The following LIFR variants were observed in gnomAD, a reference collection of about 807,000 sequenced individuals.
LIFR encodes LIF receptor subunit alpha.
LIFR carries 84 observed loss-of-function variants against 122.2 expected under a neutral mutation model. The ratio of observed to expected loss-of-function variants is 0.69; its 90% CI spans 0.58 to 0.82. The LOEUF (loss-of-function observed/expected upper bound fraction) is 0.82. Ranked by LOEUF, LIFR falls within the 40% of genes least tolerant of loss-of-function variation. The pLI is 0.00. For synonymous variants in LIFR, 422 were observed against 434.7 expected, an observed-to-expected ratio of 0.97 and a Z score of 0.36; for missense variants, 1,294 against 1,311.6, an observed-to-expected ratio of 0.99 and a Z score of 0.21.
At chr5:38,557,647 G>GA (rs1176283541), upstream of LIFR, 3 of 154,750 alleles carry the variant, frequency 1.9e-5, no homozygotes, top group African/African-American at 7.2e-5. Flanking sequence ...ACCTTTCGAT[G>GA]AAACTCCAAA....
chr5:38,487,579 G>A (rs373945317), intron 16 of LIFR, among the ~76,000 whole-genome samples: 2 of 151,984 alleles, frequency 1.3e-5, no homozygotes, highest in Admixed American at 6.6e-5. Flanking sequence ...ACAGTAGTCC[G>A]CCCATTTTCC....
At chr5:38,530,203 T>C (rs891951720) in intron 2 of LIFR, among the ~76,000 whole-genome samples, 1 of 152,186 alleles carries the variant, frequency 6.6e-6, no homozygotes, top group Non-Finnish European at 1.5e-5. Flanking sequence ...CTGTTCCCTA[T>C]CTTGATTGTG....
rs117878011 is a variant in LIFR, at chr5:38,602,955, C to G, written n.305+3250G>C. 5.3e-5 allele frequency among the ~76,000 whole-genome samples: 8 copies of G among 152,296 alleles called. No homozygotes were observed. The East Asian group carries it at 9.7e-4, about 18-fold the overall frequency. ...AGTATGACCTTCCAGGGGCACACCACTGGAGAAGGGAAGAGAGCCTCAGAC... is the reference window on the plus strand; with the variant it reads ...AGTATGACCTTCCAGGGGCACACCAGTGGAGAAGGGAAGAGAGCCTCAGAC... On this transcript the variant is annotated intron_variant and non_coding_transcript_variant, in intron 2 of 3. Transcript: ENST00000507786.
At chr5:38,602,673 A>G (rs1029144777) in intron 2 of LIFR, among the ~76,000 whole-genome samples, 6 of 152,106 alleles carry the variant, frequency 3.9e-5, no homozygotes, top group Admixed American at 6.6e-5. Flanking sequence ...AGCTAGCACA[A>G]TGCTTCTAAA....
intron 1 of LIFR, among the ~76,000 whole-genome samples, chr5:38,543,642 C>A (rs1477522438): frequency 6.6e-6 from 1 of 152,142 alleles, no homozygotes. Flanking sequence ...TCACTAAATG[C>A]ACTTATAATT....
intron 4 of LIFR, among the ~76,000 whole-genome samples, chr5:38,524,328 T>C (rs1746558778): frequency 6.6e-6 from 1 of 152,150 alleles, no homozygotes; most frequent in Admixed American, 6.5e-5. Flanking sequence ...TGTGCAGAAG[T>C]AGCAGGATAT....
intron 4 of LIFR, among the ~76,000 whole-genome samples, chr5:38,526,518 CAT>C (rs1350651807): frequency 1.3e-5 from 2 of 151,658 alleles, no homozygotes; most frequent in African/African-American, 4.8e-5. Context: ...ACTTAATTTT[CAT>C]ACTTTTATTT....
At chr5:38,555,600 C>T (rs556837505) in intron 1 of LIFR, among the ~76,000 whole-genome samples, 19 of 152,030 alleles carry the variant, frequency 1.2e-4, no homozygotes, top group African/African-American at 4.6e-4. Context: ...ATAAATGCCA[C>T]TCAATAACAA....
chr5:38,552,652 T>G (rs1354178551), intron 1 of LIFR, among the ~76,000 whole-genome samples: 5 of 152,218 alleles, frequency 3.3e-5, no homozygotes, highest in Non-Finnish European at 5.9e-5. Flanking sequence ...AGGTTTGTTT[T>G]TAAGGTTTTA....
chr5:38,505,936 T>C lies in LIFR; in HGVS notation c.1260A>G (p.Gln420=), dbSNP rs754095096. ...CAGTTATATTAACTAAAATTGTTGATTGTGATCGACCCAGCGGATTGTGAG... is the reference window on the plus strand; with the variant it reads ...CAGTTATATTAACTAAAATTGTTGACTGTGATCGACCCAGCGGATTGTGAG... ...LNAHNPLGRS[Q]STILVNITEK... The change falls in exon 9 of 20, where the codon CAA becomes CAG. Residue 420 remains glutamine (Q), a synonymous_variant. Transcript: ENST00000453190. 3.6e-5 allele frequency: 58 copies of C among 1,609,370 alleles called. No individual in the cohort carries two copies. The highest frequency in any genetic ancestry group is 4.6e-5 in the Non-Finnish European group (54 of 1,177,700).
In LIFR at chr5:38,551,217, A is replaced by G. The variant is rs1351874463; in HGVS notation, c.-20+5117T>C. On this transcript the variant is annotated intron_variant, in intron 1 of 19. Coordinates refer to ENST00000453190, the MANE Select transcript of LIFR (RefSeq NM_001127671.2). ...CATTATAAACACTAAGGCATGAAGC[A>G]TGGCAGGGCTATGGGTCTCCAGGCC... is the stretch of plus-strand genomic sequence containing the variant. 2.6e-5 allele frequency among the ~76,000 whole-genome samples: 4 copies of G among 152,204 alleles called. No homozygotes were observed. In the East Asian group the frequency reaches 7.7e-4, roughly 29 times the overall value.
chr5:38,535,553 T>A (rs1336791384), intron 1 of LIFR, among the ~76,000 whole-genome samples: 1 of 152,142 alleles, frequency 6.6e-6, no homozygotes, highest in African/African-American at 2.4e-5. Context: ...GATTGAATGG[T>A]CCACAAAGCC....
chr5:38,567,069 G>A (rs1749049499), intron 1 of LIFR, among the ~76,000 whole-genome samples: 1 of 152,154 alleles, frequency 6.6e-6, no homozygotes, highest in African/African-American at 2.4e-5. Context: ...ATCCCTCTGG[G>A]CCTAGGACTC....
chr5:38,511,692 A>C (rs1561161336), intron 6 of LIFR, 98 bp downstream of exon 6: 3 of 1,153,356 alleles, frequency 2.6e-6, no homozygotes, highest in Non-Finnish European at 3.9e-6. Flanking sequence ...CATGCAGCTG[A>C]ATGAGGTTAT....
At chr5:38,574,366 G>C (rs139740514) in intron 1 of LIFR, among the ~76,000 whole-genome samples, 70 of 152,182 alleles carry the variant, frequency 4.6e-4, no homozygotes, top group African/African-American at 1.6e-3. Context: ...ACTCCTCCCA[G>C]ACCCCCCGGA....
At chr5:38,485,251 T>A (rs940945687) in intron 17 of LIFR, among the ~76,000 whole-genome samples, 2 of 152,142 alleles carry the variant, frequency 1.3e-5, no homozygotes, top group African/African-American at 4.8e-5. Context: ...GCCAAGTATC[T>A]CTTAGGTGAC....
upstream of LIFR, among the ~76,000 whole-genome samples, chr5:38,598,848 T>C (rs777091167): frequency 5.3e-5 from 8 of 152,238 alleles, no homozygotes; most frequent in Non-Finnish European, 7.3e-5. Flanking sequence ...CAGGCTTCTA[T>C]GCCTAGCACA....
intron 14 of LIFR, chr5:38,490,543 C>T (rs184769271): frequency 6.9e-5 from 15 of 217,112 alleles, no homozygotes; most frequent in Admixed American, 6.8e-4. Context: ...AAGAGAACAA[C>T]GATGATTTAA....
At chr5:38,560,732 A>G (rs1249035998), upstream of LIFR, among the ~76,000 whole-genome samples, 2 of 151,786 alleles carry the variant, frequency 1.3e-5, no homozygotes, top group East Asian at 3.9e-4. Flanking sequence ...AGTAGCTGGG[A>G]TTACAGGTGT....
Sources: allele counts gnomAD v4.1 joint callset (sites outside exome capture counted in the v4.1 genomes callset), GRCh38; gene constraint gnomAD v4.1.1; transcripts MANE v1.5; gene names NCBI Gene and HGNC (gene_info 2026-07-23, HGNC 2026-07-21).